Variants in CBR4 observed in about 807,000 individuals in gnomAD.
CBR4 encodes the protein carbonyl reductase 4.
In CBR4, 22 loss-of-function variants were observed where a neutral mutation model predicts 21.0. The ratio of observed to expected loss-of-function variants is 1.05; its 90% CI spans 0.75 to 1.50. CBR4 has a LOEUF of 1.50. Ranked by LOEUF, CBR4 falls within the 40% of genes most tolerant of loss-of-function variation. The pLI is 0.00. For missense variants in CBR4, 302 were observed against 286.3 expected (o/e 1.05, Z -0.40); for synonymous variants, 100 against 104.4 (o/e 0.96, Z 0.26).
intron 2 of CBR4, among the ~76,000 whole-genome samples, chr4:168,934,626 A>G (rs188544700): frequency 6.6e-6 from 1 of 152,242 alleles, no homozygotes; most frequent in East Asian, 1.9e-4. Flanking sequence ...CCAAGACTGA[A>G]CCAAAAAGAA....
rs370169563 is a variant in CBR4 at position 168,990,228 on chromosome 4, C to T, written c.636G>A (p.Ala212=). Residue 212 remains alanine (A), a synonymous_variant, in exon 5 of 5, where the codon GCG becomes GCA. Coordinates refer to ENST00000306193, the MANE Select transcript of CBR4 (RefSeq NM_032783.5). The stretch of plus-strand genomic sequence containing the variant: ...ACGGTGATTCTAAAAGAAACACAAC[C>T]GCATGTGCCACCTCAATAGTTTCTC... ...RFGETIEVAH[A]VVFLLESPYI... 39 of 1,613,540 alleles carry T rather than the reference C, an allele frequency of 2.4e-5. No individual in the cohort carries two copies. The highest frequency in any genetic ancestry group is 2.9e-5 in the Non-Finnish European group (34 of 1,179,788).
At chr4:168,921,454 A>G (rs910165626) in intron 2 of CBR4, 2 of 948,192 alleles carry the variant, frequency 2.1e-6, no homozygotes, top group African/African-American at 1.6e-5. Context: ...TGAAGGAGGA[A>G]TTTATGCAGA....
intron 2 of CBR4, chr4:168,927,770 A>AGACTT (rs1201503764): frequency 4.5e-6 from 1 of 221,054 alleles, no homozygotes; most frequent in African/African-American, 2.2e-5. Context: ...GATTCTGACC[A>AGACTT]GACTTGATGG....
intron 2 of CBR4, among the ~76,000 whole-genome samples, chr4:168,966,932 G>A (rs1764057050): frequency 1.3e-5 from 2 of 151,852 alleles, no homozygotes; most frequent in Admixed American, 1.3e-4. Flanking sequence ...GCAGGAGAAT[G>A]GCAACCCGGG....
chr4:168,980,975 A>T (rs1764529400), intron 2 of CBR4, among the ~76,000 whole-genome samples: 1 of 152,264 alleles, frequency 6.6e-6, no homozygotes, highest in Non-Finnish European at 1.5e-5. Flanking sequence ...CTGAAATGAC[A>T]GACACAGAAT....
chr4:168,990,925 A>G (rs1764889022), intron 4 of CBR4, among the ~76,000 whole-genome samples: 2 of 151,654 alleles, frequency 1.3e-5, no homozygotes, highest in Non-Finnish European at 2.9e-5. Context: ...GTGGTGGTGG[A>G]CGCCTGTAAT....
intron 4 of CBR4, among the ~76,000 whole-genome samples, chr4:168,993,314 G>A (rs888278256): frequency 2.0e-5 from 3 of 151,500 alleles, no homozygotes; most frequent in East Asian, 3.9e-4. Flanking sequence ...GGGTTCAAGC[G>A]ACTCTCCTGC....
intron 2 of CBR4, among the ~76,000 whole-genome samples, chr4:168,954,025 T>C (rs1214793905): frequency 6.6e-6 from 1 of 152,006 alleles, no homozygotes; most frequent in East Asian, 1.9e-4. Context: ...AAGATAAAAC[T>C]GGGGAAATCT....
At chr4:168,898,270 C>A in intron 2 of CBR4, 1 of 575,334 alleles carries the variant, frequency 1.7e-6, no homozygotes, top group Non-Finnish European at 3.1e-6. Flanking sequence ...TTTCCTACCC[C>A]CCTCTTTTTG....
intron 3 of CBR4, among the ~76,000 whole-genome samples, chr4:169,004,130 T>G (rs983189908): frequency 2.8e-4 from 42 of 151,998 alleles, no homozygotes; most frequent in Non-Finnish European, 5.4e-4. Context: ...AATAAAGAAA[T>G]TGCCACAGCC....
intron 2 of CBR4, among the ~76,000 whole-genome samples, chr4:168,912,364 G>A (rs1759149738): frequency 6.6e-6 from 1 of 152,034 alleles, no homozygotes; most frequent in African/African-American, 2.4e-5. Flanking sequence ...TGTTACCTTT[G>A]GCAGTCATCA....
intron 2 of CBR4, among the ~76,000 whole-genome samples, chr4:168,961,480 T>C (rs1403750356): frequency 6.6e-6 from 1 of 152,118 alleles, no homozygotes; most frequent in Non-Finnish European, 1.5e-5. Flanking sequence ...GTGAAACCCC[T>C]AAAAATGTAA....
intron 4 of CBR4, chr4:169,001,610 A>G (rs1730446497): frequency 6.6e-6 from 1 of 152,264 alleles, no homozygotes; most frequent in South Asian, 2.1e-4. Flanking sequence ...TGCCCTCCAC[A>G]TGGTAAATAA....
chr4:169,005,322 C>G (rs1341481622), intron 3 of CBR4: 1 of 152,386 alleles, frequency 6.6e-6, no homozygotes, highest in East Asian at 1.9e-4. Flanking sequence ...CAACCCCCAA[C>G]TGCTAAATAT....
chr4:168,898,758 A>T, intron 2 of CBR4: 1 of 1,332,412 alleles, frequency 7.5e-7, no homozygotes, highest in South Asian at 1.2e-5. Flanking sequence ...TTCTCTGAGG[A>T]AAGGTTTAGC....
At chr4:168,898,456 G>C (rs1291567489) in intron 2 of CBR4, 1 of 1,311,626 alleles carries the variant, frequency 7.6e-7, no homozygotes, top group Non-Finnish European at 1.1e-6. Flanking sequence ...TTGTCAGAAG[G>C]GATTGAGTCT....
At chr4:169,007,896 C>T (rs1194344638) in intron 1 of CBR4, 140 bp from the exon 2 acceptor site, 1 of 506,678 alleles carries the variant, frequency 2.0e-6, no homozygotes, top group Non-Finnish European at 3.3e-6. Flanking sequence ...GTCATGAGGC[C>T]TGGCTTTCAT....
At chr4:169,001,336 A>G (rs1730412447) in intron 4 of CBR4, 1 of 152,138 alleles carries the variant, frequency 6.6e-6, no homozygotes, top group African/African-American at 2.4e-5. Context: ...CAGTTCTTCC[A>G]TAAACTAGCT....
rs767384375 is a variant in CBR4 at position 168,924,286 on chromosome 4, T to G, written n.170-29521A>C. The G allele has an allele frequency of 1.9e-6, 3 of 1,613,876 alleles. No homozygotes were observed. Among genetic ancestry groups the G allele is most frequent in the Middle Eastern group, 1.6e-4 (1 of 6,082 alleles). On this transcript the variant is annotated intron_variant and non_coding_transcript_variant, in intron 2 of 3. Coordinates refer to the CBR4 transcript ENST00000509108. ...AAGCACACAAACCCCCTGTGTTTATTGAGAAGCTCCAAAACACAGGAGTTG... is the reference window on the plus strand; with the variant it reads ...AAGCACACAAACCCCCTGTGTTTATGGAGAAGCTCCAAAACACAGGAGTTG...
Sources: allele counts gnomAD v4.1 joint callset (sites outside exome capture counted in the v4.1 genomes callset), GRCh38; gene constraint gnomAD v4.1.1; transcripts MANE v1.5; gene names NCBI Gene and HGNC (gene_info 2026-07-23, HGNC 2026-07-21).